The following PKNOX2 variants were observed in gnomAD, a reference collection of about 807,000 sequenced individuals.
PKNOX2 encodes the protein homeobox protein PKNOX2.
PKNOX2 carries 14 observed loss-of-function variants against 53.1 expected under a neutral mutation model. That is an observed-to-expected ratio of 0.26 (90% CI 0.17 to 0.41). The LOEUF (loss-of-function observed/expected upper bound fraction) is 0.41. PKNOX2 is among the 10% of genes least tolerant of loss of function. The pLI, the probability that PKNOX2 is intolerant of heterozygous loss-of-function variation, is 1.00. For missense variants in PKNOX2, 496 were observed against 602.8 expected (o/e 0.82, Z 1.85); for synonymous variants, 257 against 242.8 (o/e 1.06, Z -0.54).
chr11:125,191,304 G>T (rs1291897412), intron 1 of PKNOX2: 1 of 152,164 alleles, frequency 6.6e-6, no homozygotes, highest in Non-Finnish European at 1.5e-5. Flanking sequence ...GTCACCACAG[G>T]CTACTGCCTG....
chr11:125,399,992 C>CT (rs1954640287), intron 7 of PKNOX2, among the ~76,000 whole-genome samples: 1 of 152,214 alleles, frequency 6.6e-6, no homozygotes, highest in Non-Finnish European at 1.5e-5. Flanking sequence ...ATCAGTCCCC[C>CT]TGGAGAATCC....
At chr11:125,177,853 G>T (rs1447675939) in intron 1 of PKNOX2, among the ~76,000 whole-genome samples, 1 of 152,170 alleles carries the variant, frequency 6.6e-6, no homozygotes, top group African/African-American at 2.4e-5. Flanking sequence ...CAGAAGCAGG[G>T]GAAGCAGTGC....
intron 11 of PKNOX2, 30 bp downstream of exon 11, chr11:125,429,118 C>T (rs2135697483): frequency 6.4e-7 from 1 of 1,574,130 alleles, no homozygotes; most frequent in Non-Finnish European, 8.7e-7. Context: ...ATGCAGGCTC[C>T]CAGATCCAGG....
rs541056574 is a variant in PKNOX2 at position 125,304,241 on chromosome 11, G to A, written c.-129-27578G>A. 5.9e-5 allele frequency among the ~76,000 whole-genome samples: 9 copies of A among 152,356 alleles called. No homozygotes were observed. The South Asian group carries it at 1.9e-3, about 32-fold the overall frequency. On this transcript the variant is annotated intron_variant, in intron 2 of 12. Transcript: ENST00000298282. ...AGCCCCAGCCCCAGGGGCCCATCTC[G>A]CCCAGCTCTGGCCCTGAAAAGACGT...
chr11:125,365,688 C>G (rs1952152489), intron 4 of PKNOX2, among the ~76,000 whole-genome samples: 1 of 152,148 alleles, frequency 6.6e-6, no homozygotes, highest in African/African-American at 2.4e-5. Flanking sequence ...GAAACCTGCC[C>G]CAAACTGACA....
rs1394185030 is a variant in PKNOX2, at chr11:125,165,559, G to A, written c.-201+783G>A. Among the ~76,000 whole-genome samples, 1 of 152,230 alleles carries A rather than the reference G, an allele frequency of 6.6e-6. No individual in the cohort carries two copies. Among genetic ancestry groups the A allele is most frequent in the East Asian group, 1.9e-4 (1 of 5,186 alleles). On this transcript the variant is annotated intron_variant, in intron 1 of 12. Transcript: ENST00000298282. The surrounding 1 kb of genome is among the most constrained non-coding windows in gnomAD (Gnocchi z 4.5). ...GCCGCGGCCGCGGCCTGGGGAGGCA[G>A]GGCGAATGAGGGTTTGCAGACGGAT...
chr11:125,310,768 C>T (rs1261314805), intron 2 of PKNOX2, among the ~76,000 whole-genome samples: 1 of 152,080 alleles, frequency 6.6e-6, no homozygotes, highest in Non-Finnish European at 1.5e-5. Flanking sequence ...TTATTTAAAG[C>T]TATGAGATGC....
intron 2 of PKNOX2, among the ~76,000 whole-genome samples, chr11:125,239,011 T>C (rs1257678768): frequency 6.6e-6 from 1 of 152,216 alleles, no homozygotes; most frequent in Non-Finnish European, 1.5e-5. Flanking sequence ...CGATCCAGCA[T>C]GTGCAGGTAC....
intron 1 of PKNOX2, among the ~76,000 whole-genome samples, chr11:125,197,792 A>C (rs1472022147): frequency 6.6e-6 from 1 of 151,644 alleles, no homozygotes; most frequent in Non-Finnish European, 1.5e-5. Context: ...AGCTGGTGGG[A>C]CTCCTGGAAT....
At chr11:125,405,727 C>T (rs960565698) in intron 7 of PKNOX2, among the ~76,000 whole-genome samples, 1 of 152,170 alleles carries the variant, frequency 6.6e-6, no homozygotes, top group Non-Finnish European at 1.5e-5. Flanking sequence ...AAACCCAAAG[C>T]CCTGCCTTGC....
chr11:125,424,869 T>C (rs142852520), intron 10 of PKNOX2, among the ~76,000 whole-genome samples: 69 of 152,306 alleles, frequency 4.5e-4, no homozygotes, highest in African/African-American at 1.6e-3. Context: ...CTCTTTCAAT[T>C]GAAAGATGCT....
At chr11:125,327,134 G>A (rs546283357) in intron 2 of PKNOX2, among the ~76,000 whole-genome samples, 2 of 152,326 alleles carry the variant, frequency 1.3e-5, no homozygotes, top group East Asian at 1.9e-4. Context: ...GTGGACAGGG[G>A]ACAAGTCTTT....
At chr11:125,326,080 A>G (rs1222852540) in intron 2 of PKNOX2, among the ~76,000 whole-genome samples, 1 of 152,240 alleles carries the variant, frequency 6.6e-6, no homozygotes, top group Non-Finnish European at 1.5e-5. Flanking sequence ...CCATGGGTAC[A>G]GTACTCACCT....
chr11:125,375,536 G>A (rs985806126), intron 5 of PKNOX2, among the ~76,000 whole-genome samples: 3 of 152,298 alleles, frequency 2.0e-5, no homozygotes, highest in Middle Eastern at 3.4e-3. Flanking sequence ...AGCCTGATGC[G>A]GTCATTTAAC....
chr11:125,418,275 G>A (rs1355484729), intron 10 of PKNOX2, among the ~76,000 whole-genome samples: 1 of 152,066 alleles, frequency 6.6e-6, no homozygotes, highest in Non-Finnish European at 1.5e-5. Flanking sequence ...CAATGTATCA[G>A]TACTTCATTC....
chr11:125,204,842 G>A (rs1310151888), intron 1 of PKNOX2, among the ~76,000 whole-genome samples: 1 of 152,096 alleles, frequency 6.6e-6, no homozygotes, highest in African/African-American at 2.4e-5. Flanking sequence ...GAGCTCCTGG[G>A]GTATACCTGT....
intron 7 of PKNOX2, among the ~76,000 whole-genome samples, chr11:125,402,213 C>T (rs181886687): frequency 7.9e-5 from 12 of 152,212 alleles, no homozygotes; most frequent in African/African-American, 2.6e-4. Flanking sequence ...ACCTGGGCCA[C>T]AGCTAGATTT....
chr11:125,348,932 G>T (rs1486844450), intron 3 of PKNOX2, among the ~76,000 whole-genome samples: 2 of 152,048 alleles, frequency 1.3e-5, no homozygotes, highest in African/African-American at 4.8e-5. Flanking sequence ...CTGCCCCCAG[G>T]CTCCCTCTTC....
rs55812201 is a variant in PKNOX2, at chr11:125,178,676, A to AAGAG, written c.-201+13920_-201+13923dup. Among the ~76,000 whole-genome samples the AAGAG allele has an allele frequency of 4.9e-4, 48 of 98,862 alleles. 1 individual carries two copies. Among genetic ancestry groups the AAGAG allele is most frequent in the African/African-American group, 1.2e-3 (21 of 17,978 alleles). 64.9% of individuals were successfully genotyped at this position (98,862 alleles called of 152,430 possible). A position where few individuals can be genotyped will look rare whatever the true frequency, so the allele number is the denominator to read the frequency against. ...AAGGAAGGAAGGAAGGAAGGAAAGA[A>AAGAG]AGAGAGAGAGAGAGAGAGAGAGAAA... On this transcript the variant is annotated intron_variant, in intron 1 of 12. Transcript: ENST00000298282.
Sources: gnomAD v4.1 joint callset for allele counts (sites outside exome capture counted in the v4.1 genomes callset) on GRCh38, gnomAD v4.1.1 for gene constraint, Gnocchi (gnomAD v3.1) non-coding constraint, MANE v1.5 for transcripts, NCBI Gene and HGNC (gene_info 2026-07-23, HGNC 2026-07-21) for gene names.